SYT10: variants seen among roughly 807,000 people sequenced by gnomAD.
SYT10 encodes synaptotagmin-10.
In SYT10, 31 loss-of-function variants were observed where a neutral mutation model predicts 51.1. The observed-to-expected ratio is 0.61, with a 90% CI of 0.46 to 0.82. The LOEUF (loss-of-function observed/expected upper bound fraction) is 0.82, where lower values mean the gene tolerates loss of function less well. Among genes scored for constraint, SYT10 ranks in the 40% least tolerant of loss-of-function variants. The pLI, the probability that SYT10 is intolerant of heterozygous loss-of-function variation, is 0.00. For synonymous variants in SYT10, 233 were observed against 225.9 expected (o/e 1.03, Z -0.28); for missense variants, 603 against 634.0 (o/e 0.95, Z 0.53).
intron 4 of SYT10, among the ~76,000 whole-genome samples, chr12:33,384,111 T>A (rs952020369): frequency 3.9e-5 from 6 of 152,184 alleles, no homozygotes; most frequent in Non-Finnish European, 5.9e-5. Context: ...TAGACAGATA[T>A]ACAATAAGTA....
intron 2 of SYT10, among the ~76,000 whole-genome samples, chr12:33,412,329 C>T (rs1377170037): frequency 1.3e-5 from 2 of 151,886 alleles, no homozygotes; most frequent in African/African-American, 4.8e-5. Context: ...CACAGTTTAG[C>T]TAGTCAGTTA....
intron 4 of SYT10, among the ~76,000 whole-genome samples, chr12:33,384,506 A>G (rs1197398355): frequency 6.6e-6 from 1 of 152,116 alleles, no homozygotes; most frequent in Non-Finnish European, 1.5e-5. Context: ...TTTTTCTTCC[A>G]CAGAGCTGTG....
intron 3 of SYT10, among the ~76,000 whole-genome samples, chr12:33,391,475 T>C (rs781274520): frequency 6.6e-6 from 1 of 152,094 alleles, no homozygotes; most frequent in Non-Finnish European, 1.5e-5. Context: ...TGCTCAGTGA[T>C]GACCAGAAGG....
chr12:33,427,281 G>A (rs1051565766), intron 1 of SYT10, among the ~76,000 whole-genome samples: 30 of 152,084 alleles, frequency 2.0e-4, no homozygotes, highest in African/African-American at 6.8e-4. Flanking sequence ...TACCATGTGA[G>A]GGCATAGCAA....
intron 1 of SYT10, among the ~76,000 whole-genome samples, chr12:33,427,507 C>T (rs963675476): frequency 6.6e-6 from 1 of 152,050 alleles, no homozygotes; most frequent in African/African-American, 2.4e-5. Flanking sequence ...TGTTGTAGCT[C>T]CTTGCATCCA....
chr12:33,394,402 A>T (rs1866236212), intron 3 of SYT10, among the ~76,000 whole-genome samples: 1 of 152,158 alleles, frequency 6.6e-6, no homozygotes, highest in Admixed American at 6.5e-5. Context: ...TCATTTTTTC[A>T]AAATATGAGG....
intron 2 of SYT10, among the ~76,000 whole-genome samples, chr12:33,421,716 G>C (rs547497120): frequency 3.6e-4 from 55 of 152,250 alleles, no homozygotes; most frequent in African/African-American, 1.3e-3. Context: ...TTTGGAAACA[G>C]CTGGAGCTCA....
At chr12:33,389,916 C>T (rs184658878) in intron 3 of SYT10, among the ~76,000 whole-genome samples, 194 of 152,264 alleles carry the variant, frequency 1.3e-3, no homozygotes, top group South Asian at 6.4e-3. Flanking sequence ...GTATTTCTCC[C>T]TGACCTACAC....
At chr12:33,383,531 A>G (rs1356695020) in intron 4 of SYT10, among the ~76,000 whole-genome samples, 1 of 152,212 alleles carries the variant, frequency 6.6e-6, no homozygotes, top group East Asian at 1.9e-4. Context: ...AAACAAGATA[A>G]CAGGGTCATG....
At chr12:33,411,381 CA>C (rs748787985) in intron 2 of SYT10, among the ~76,000 whole-genome samples, 5 of 151,650 alleles carry the variant, frequency 3.3e-5, no homozygotes, top group Non-Finnish European at 7.4e-5. Context: ...GACTTGTTAC[CA>C]AAAATTGGAA....
chr12:33,436,629 T>C (rs1444465994), intron 1 of SYT10, among the ~76,000 whole-genome samples: 1 of 152,178 alleles, frequency 6.6e-6, no homozygotes. Flanking sequence ...ATAATGGTGA[T>C]ACTTGCACTT....
intron 2 of SYT10, among the ~76,000 whole-genome samples, chr12:33,411,105 T>G (rs1866400951): frequency 6.6e-6 from 1 of 152,220 alleles, no homozygotes; most frequent in Non-Finnish European, 1.5e-5. Flanking sequence ...AAAATTTCAC[T>G]GAGGCAGTCT....
chr12:33,408,577 T>C (rs1303006988), intron 2 of SYT10, among the ~76,000 whole-genome samples: 1 of 152,198 alleles, frequency 6.6e-6, no homozygotes, highest in Non-Finnish European at 1.5e-5. Flanking sequence ...ACGTCTTTTG[T>C]TATATTTCTT....
At chr12:33,380,545 TGCTTTCATA>T (rs1866105499) in intron 5 of SYT10, among the ~76,000 whole-genome samples, 1 of 152,246 alleles carries the variant, frequency 6.6e-6, no homozygotes, top group Non-Finnish European at 1.5e-5. Flanking sequence ...ATTCAGGTCC[TGCTTTCATA>T]GCAATGAATC....
intron 2 of SYT10, among the ~76,000 whole-genome samples, chr12:33,422,228 C>T (rs1233470725): frequency 6.6e-6 from 1 of 151,992 alleles, no homozygotes; most frequent in Non-Finnish European, 1.5e-5. Flanking sequence ...CATAGTATAA[C>T]AGCTTTAATG....
chr12:33,426,358 G>T lies in SYT10; in HGVS notation c.289C>A (p.Pro97Thr). 6.2e-7 allele frequency: 1 copy of T among 1,614,070 alleles called. No individual in the cohort carries two copies. The highest frequency in any genetic ancestry group is 8.5e-7 in the Non-Finnish European group (1 of 1,180,008). The change falls in exon 2 of 7, where the codon CCA (proline) becomes ACA (threonine). Residue 97 changes from proline to threonine, a missense_variant. Coordinates refer to ENST00000228567, the MANE Select transcript of SYT10 (RefSeq NM_198992.4). Reference protein sequence around the residue: ...KPVTSNITTLPQSISSAPTEV... With the variant: ...KPVTSNITTLTQSISSAPTEV... ...GTAGGAGCACTTGAAATGCTCTGTG[G>T]AAGCGTAGTGATGTTGGAAGTCACA... is the stretch of plus-strand genomic sequence containing the variant.
At position 33,439,777 on chromosome 12, in the gene SYT10, G is replaced by C. The variant is rs1488697802; in HGVS notation, c.-255C>G. 1 of 491,992 alleles carries C rather than the reference G, an allele frequency of 2.0e-6. No homozygotes were observed. The highest frequency in any genetic ancestry group is 3.6e-6 in the Non-Finnish European group (1 of 277,762). 30.5% of individuals were successfully genotyped at this position (491,992 alleles called of 1,614,324 possible). A position where few individuals can be genotyped will look rare whatever the true frequency, so the allele number is the denominator to read the frequency against. ...GTTTGCGCCAACTCTCCCGCCGCGCGAGCGAGCCGAGGCGCGCTGGAACTA... is the reference window on the plus strand; with the variant it reads ...GTTTGCGCCAACTCTCCCGCCGCGCCAGCGAGCCGAGGCGCGCTGGAACTA... On this transcript the variant is annotated 5_prime_UTR_variant, in exon 1 of 7. Transcript: ENST00000228567.
rs572273972 is a variant in SYT10 at position 33,423,502 on chromosome 12, A to G, written c.509+2636T>C. 3.9e-5 allele frequency among the ~76,000 whole-genome samples: 6 copies of G among 152,214 alleles called. No individual in the cohort carries two copies. In the East Asian group the frequency reaches 9.7e-4, roughly 25 times the overall value. ...AGCAATTTCCTCTTCCTCTCTCTATAAAGGTAATTTCTAGTATGATGAAGT... is the reference window on the plus strand; with the variant it reads ...AGCAATTTCCTCTTCCTCTCTCTATGAAGGTAATTTCTAGTATGATGAAGT... On this transcript the variant is annotated intron_variant, in intron 2 of 6. Coordinates refer to ENST00000228567, the MANE Select transcript of SYT10 (RefSeq NM_198992.4).
chr12:33,412,768 T>C (rs1432653835), intron 2 of SYT10, among the ~76,000 whole-genome samples: 2 of 151,972 alleles, frequency 1.3e-5, no homozygotes, highest in Non-Finnish European at 2.9e-5. Flanking sequence ...ATTCTAAAAA[T>C]CAGAGCACCT....
Sources: allele counts gnomAD v4.1 joint callset (sites outside exome capture counted in the v4.1 genomes callset), GRCh38; gene constraint gnomAD v4.1.1; transcripts MANE v1.5; gene names NCBI Gene and HGNC (gene_info 2026-07-23, HGNC 2026-07-21).